CIB4: variants seen among roughly 807,000 people sequenced by gnomAD.
CIB4 encodes calcium and integrin-binding family member 4.
A neutral mutation model predicts 25.8 loss-of-function variants in CIB4; 25 were observed. That is an observed-to-expected ratio of 0.97 (90% CI 0.71 to 1.35). The LOEUF is 1.35. Ranked by LOEUF, CIB4 falls within the 40% of genes most tolerant of loss-of-function variation. The pLI is 0.00. For missense variants in CIB4, 235 were observed against 228.2 expected, an observed-to-expected ratio of 1.03 and a Z score of -0.19; for synonymous variants, 75 against 81.4, an observed-to-expected ratio of 0.92 and a Z score of 0.42.
At chr2:26,621,269 A>G (rs939999363) in intron 3 of CIB4, among the ~76,000 whole-genome samples, 10 of 148,538 alleles carry the variant, frequency 6.7e-5, no homozygotes, top group Admixed American at 2.8e-4. Flanking sequence ...AAAAAAAAAA[A>G]AACAGGGAAT....
At chr2:26,629,264 T>TG in intron 3 of CIB4, 146 bp downstream of exon 3, 1 of 633,412 alleles carries the variant, frequency 1.6e-6, no homozygotes, top group Non-Finnish European at 2.9e-6. Flanking sequence ...TGCACTCCTC[T>TG]GCCTGGAGGA....
At chr2:26,628,970 G>T (rs1351926786) in intron 3 of CIB4, among the ~76,000 whole-genome samples, 1 of 152,196 alleles carries the variant, frequency 6.6e-6, no homozygotes, top group Non-Finnish European at 1.5e-5. Context: ...GGTCACTGGG[G>T]TGAGGGTTAA....
intron 4 of CIB4, among the ~76,000 whole-genome samples, chr2:26,585,091 C>T (rs535914336): frequency 5.1e-4 from 78 of 152,270 alleles, no homozygotes; most frequent in African/African-American, 1.8e-3. Context: ...ACCCTATTTC[C>T]CACAGAGCCA....
intron 3 of CIB4, chr2:26,623,547 C>T: frequency 2.1e-6 from 1 of 471,488 alleles, no homozygotes; most frequent in Non-Finnish European, 4.4e-6. Context: ...GCTCGGAAAA[C>T]TTTGGGAGAT....
intron 5 of CIB4, 141 bp from the exon 6 acceptor site, chr2:26,583,054 G>C: frequency 1.7e-6 from 1 of 605,676 alleles, no homozygotes; most frequent in Non-Finnish European, 3.0e-6. Context: ...TGACCCCAGT[G>C]ACCCCACAGA....
chr2:26,600,610 A>G (rs562672720), intron 3 of CIB4, among the ~76,000 whole-genome samples: 11 of 152,300 alleles, frequency 7.2e-5, no homozygotes, highest in African/African-American at 2.6e-4. Flanking sequence ...CCAGAAAGGC[A>G]CTGCCCAAAA....
chr2:26,630,931 C>G (rs1201998507), intron 2 of CIB4, among the ~76,000 whole-genome samples: 1 of 152,084 alleles, frequency 6.6e-6, no homozygotes, highest in Admixed American at 6.5e-5. Flanking sequence ...GGGAGCCCAC[C>G]ACCCTGACCC....
chr2:26,623,343 AAAAT>A (rs1019522330), intron 3 of CIB4: 57 of 201,328 alleles, frequency 2.8e-4, no homozygotes, highest in African/African-American at 5.2e-4. Flanking sequence ...ACCCTGTCTC[AAAAT>A]AAATAAATAA....
At chr2:26,585,190 T>G (rs904434052) in intron 4 of CIB4, among the ~76,000 whole-genome samples, 1 of 150,538 alleles carries the variant, frequency 6.6e-6, no homozygotes, top group Non-Finnish European at 1.5e-5. Flanking sequence ...GGACGGTGGG[T>G]GGAGGAGGTG....
intron 3 of CIB4, among the ~76,000 whole-genome samples, chr2:26,608,760 C>T (rs1329045133): frequency 6.6e-6 from 1 of 152,144 alleles, no homozygotes; most frequent in East Asian, 1.9e-4. Flanking sequence ...TGGCACAGAT[C>T]TCACCAAGCC....
At chr2:26,595,051 A>C (rs1668653744) in intron 4 of CIB4, 125 bp downstream of exon 4, 3 of 881,374 alleles carry the variant, frequency 3.4e-6, no homozygotes, top group Admixed American at 2.2e-5. Flanking sequence ...TATGACACAG[A>C]CCCACAGATA....
intron 4 of CIB4, among the ~76,000 whole-genome samples, chr2:26,589,312 C>T (rs1668543175): frequency 6.7e-6 from 1 of 149,964 alleles, no homozygotes; most frequent in South Asian, 2.1e-4. Flanking sequence ...TTCTCCTTCT[C>T]CTCCTTCTCC....
chr2:26,596,427 C>CT, intron 3 of CIB4, among the ~76,000 whole-genome samples: 1 of 152,216 alleles, frequency 6.6e-6, no homozygotes, highest in African/African-American at 2.4e-5. Context: ...TGAAATGGTT[C>CT]TTTTTTAAAA....
At chr2:26,639,359 C>G (rs1025620367) in intron 2 of CIB4, among the ~76,000 whole-genome samples, 1 of 151,780 alleles carries the variant, frequency 6.6e-6, no homozygotes, top group African/African-American at 2.4e-5. Flanking sequence ...CCCCCACCCC[C>G]CAACAGGCCC....
chr2:26,597,579 A>G lies in CIB4; in HGVS notation c.187-2262T>C, dbSNP rs576714828. Among the ~76,000 whole-genome samples the G allele has an allele frequency of 9.8e-4, 149 of 152,356 alleles. 2 individuals carry two copies. In the South Asian group the frequency reaches 0.03, roughly 30 times the overall value. On this transcript the variant is annotated intron_variant, in intron 3 of 6. Coordinates refer to ENST00000288861, the MANE Select transcript of CIB4 (RefSeq NM_001029881.3). Reference sequence around the variant, plus strand: ...ATGTAAACAATAGCATAGTGTAAGGAAGAAATCTTACTATATCCATTAAAG... The same window carrying G: ...ATGTAAACAATAGCATAGTGTAAGGGAGAAATCTTACTATATCCATTAAAG...
chr2:26,603,811 A>G (rs1668838088), intron 3 of CIB4, among the ~76,000 whole-genome samples: 2 of 152,016 alleles, frequency 1.3e-5, no homozygotes, highest in Admixed American at 6.6e-5. Flanking sequence ...CAGCCTGGGC[A>G]ACATGGCAAA....
chr2:26,589,027 T>TTCTTCCTCTTCC (rs1668515781), intron 4 of CIB4, among the ~76,000 whole-genome samples: 1 of 36,136 alleles, frequency 2.8e-5, no homozygotes, highest in African/African-American at 1.0e-4. Context: ...CTTCTTCTTC[T>TTCTTCCTCTTCC]TCTTCTTCTT....
intron 3 of CIB4, among the ~76,000 whole-genome samples, chr2:26,626,885 G>A (rs1413456686): frequency 1.3e-5 from 2 of 152,174 alleles, no homozygotes; most frequent in Non-Finnish European, 2.9e-5. Context: ...AGGAACAGGG[G>A]AAGCATAAAA....
intron 3 of CIB4, among the ~76,000 whole-genome samples, chr2:26,601,231 AATATATATATAT>A (rs1165155834): frequency 0.034 from 590 of 17,184 alleles, 30 homozygotes; most frequent in Admixed American, 0.11. Flanking sequence ...AAAAAAAAAA[AATATATATATAT>A]ATATATATAT....
Sources: allele counts gnomAD v4.1 joint callset (sites outside exome capture counted in the v4.1 genomes callset), GRCh38; gene constraint gnomAD v4.1.1; transcripts MANE v1.5; gene names NCBI Gene and HGNC (gene_info 2026-07-23, HGNC 2026-07-21).